Variants in CSNK2A1 observed in about 807,000 individuals in gnomAD.
CSNK2A1 encodes casein kinase II subunit alpha.
In CSNK2A1, 10 loss-of-function variants were observed where a neutral mutation model predicts 62.9. That is an observed-to-expected ratio of 0.16 (90% CI 0.10 to 0.27). CSNK2A1 has a LOEUF of 0.27. Ranked by LOEUF, CSNK2A1 falls within the 10% of genes least tolerant of loss-of-function variation. The pLI, the probability that CSNK2A1 is intolerant of heterozygous loss-of-function variation, is 1.00. For synonymous variants in CSNK2A1, 124 were observed against 167.8 expected (o/e 0.74, Z 2.02); for missense variants, 160 against 492.0 (o/e 0.33, Z 6.38).
At chr20:511,088 G>A (rs776410884) in intron 2 of CSNK2A1, among the ~76,000 whole-genome samples, 29 of 151,998 alleles carry the variant, frequency 1.9e-4, no homozygotes, top group Non-Finnish European at 2.8e-4. Flanking sequence ...AGGCACAGTG[G>A]CTCACTTTGG....
chr20:512,743 AAATGACCAGAAAACAACAAAGT>A (rs2018750146), intron 2 of CSNK2A1, among the ~76,000 whole-genome samples: 1 of 152,220 alleles, frequency 6.6e-6, no homozygotes, highest in Non-Finnish European at 1.5e-5. Context: ...TAAATGTACT[AAATGACCAGAAAACAACAAAGT>A]AATTCAAGTA....
rs2017810418 is a variant in CSNK2A1, at chr20:474,549, G to C, written c.*9412C>G. On this transcript the variant is annotated 3_prime_UTR_variant, in exon 14 of 14. Transcript: ENST00000217244. ...ATTAAAAGTAGTTGCTTTTTCACCA[G>C]AGTAATACATAAATATAGTTTTAAA... is the stretch of plus-strand genomic sequence containing the variant. 6.6e-6 allele frequency: 1 copy of C among 152,162 alleles called. No individual in the cohort carries two copies. Among genetic ancestry groups the C allele is most frequent in the Non-Finnish European group, 1.5e-5 (1 of 68,032 alleles). The allele number at this position is 152,162 out of a possible 1,614,324, so 9.4% of individuals were successfully genotyped here.
chr20:520,370 T>C (rs2018920001), intron 2 of CSNK2A1, among the ~76,000 whole-genome samples: 1 of 152,046 alleles, frequency 6.6e-6, no homozygotes, highest in African/African-American at 2.4e-5. Context: ...GGCAAAAGGA[T>C]AATACATAGA....
At chr20:527,164 T>TA (rs2019116043) in intron 2 of CSNK2A1, among the ~76,000 whole-genome samples, 1 of 152,050 alleles carries the variant, frequency 6.6e-6, no homozygotes, top group African/African-American at 2.4e-5. Flanking sequence ...CTACAGATGG[T>TA]AAAAAGATAA....
chr20:485,100 A>T (rs1466138801), intron 13 of CSNK2A1, among the ~76,000 whole-genome samples: 11 of 54,258 alleles, frequency 2.0e-4, no homozygotes, highest in African/African-American at 4.7e-4. Context: ...AAAAAAAAAA[A>T]AAAAAAAAAA....
At chr20:501,031 A>G (rs2122548085) in intron 4 of CSNK2A1, 1 of 149,618 alleles carries the variant, frequency 6.7e-6, no homozygotes, top group South Asian at 2.1e-4. Flanking sequence ...TTTTTTTCTG[A>G]GGAGGGCCTT....
At chr20:490,177 G>A (rs1462719806) in intron 9 of CSNK2A1, among the ~76,000 whole-genome samples, 1 of 149,810 alleles carries the variant, frequency 6.7e-6, no homozygotes, top group Non-Finnish European at 1.5e-5. Context: ...GACTACAGGC[G>A]CGTGCCACCA....
intron 1 of CSNK2A1, among the ~76,000 whole-genome samples, chr20:538,351 C>A (rs761887102): frequency 3.3e-5 from 5 of 152,154 alleles, no homozygotes; most frequent in Non-Finnish European, 7.4e-5. Context: ...TCTTAGTAGA[C>A]CAGTTAACAT....
At position 483,765 on chromosome 20, in the gene CSNK2A1, G is replaced by GT. The variant is rs2018002630; in HGVS notation, c.*195dup. On this transcript the variant is annotated 3_prime_UTR_variant, in exon 14 of 14. Transcript: ENST00000217244. Reference sequence around the variant, plus strand: ...ATCCCCTGAGTTATGAAAAGTTCGAGTTAAAAAAAAAAAGAAAAAAGAAAA... The same window carrying GT: ...ATCCCCTGAGTTATGAAAAGTTCGAGTTTAAAAAAAAAAAGAAAAAAGAAAA... 2.6e-6 allele frequency: 1 copy of GT among 380,726 alleles called. No individual in the cohort carries two copies. Among genetic ancestry groups the GT allele is most frequent in the East Asian group, 4.1e-5 (1 of 24,562 alleles). 23.6% of individuals were successfully genotyped at this position (380,726 alleles called of 1,614,324 possible). A position where few individuals can be genotyped will look rare whatever the true frequency, so the allele number is the denominator to read the frequency against.
rs74668517 is a variant in CSNK2A1 at position 491,667 on chromosome 20, C to A, written c.621+587G>T. 5.1e-3 allele frequency among the ~76,000 whole-genome samples: 779 copies of A among 151,628 alleles called. 10 individuals are homozygous for A. The highest frequency in any genetic ancestry group is 0.016 in the African/African-American group (676 of 41,342). Reference sequence around the variant, plus strand: ...GCCTGGGCAACAGAGCAAAACCCTGCCTCAGAAAACAAACAAAAGGCCGGG... The same window carrying A: ...GCCTGGGCAACAGAGCAAAACCCTGACTCAGAAAACAAACAAAAGGCCGGG... On this transcript the variant is annotated intron_variant, in intron 9 of 13. Coordinates refer to ENST00000217244, the MANE Select transcript of CSNK2A1 (RefSeq NM_177559.3).
intron 2 of CSNK2A1, among the ~76,000 whole-genome samples, chr20:511,458 C>T (rs2018716561): frequency 6.6e-6 from 1 of 152,184 alleles, no homozygotes; most frequent in Non-Finnish European, 1.5e-5. Context: ...TTTTTACCAT[C>T]CCAAATGAAA....
At chr20:529,552 C>T (rs1332811411) in intron 1 of CSNK2A1, among the ~76,000 whole-genome samples, 1 of 152,082 alleles carries the variant, frequency 6.6e-6, no homozygotes, top group African/African-American at 2.4e-5. Context: ...AGTAGCGATG[C>T]TGAGAATCTG....
At chr20:535,771 C>T (rs987885698) in intron 1 of CSNK2A1, among the ~76,000 whole-genome samples, 8 of 151,440 alleles carry the variant, frequency 5.3e-5, no homozygotes, top group Admixed American at 4.6e-4. Context: ...TTTAAAGTGC[C>T]GATAAATACA....
chr20:509,516 C>T (rs1004954444), intron 2 of CSNK2A1, among the ~76,000 whole-genome samples: 2 of 152,178 alleles, frequency 1.3e-5, no homozygotes, highest in East Asian at 1.9e-4. Flanking sequence ...ATTGTGATAA[C>T]GTGAGAAGGA....
intron 2 of CSNK2A1, among the ~76,000 whole-genome samples, chr20:523,381 A>G (rs921884767): frequency 2.0e-5 from 3 of 152,222 alleles, no homozygotes; most frequent in Non-Finnish European, 4.4e-5. Context: ...CATAATCACC[A>G]AAGAATGAAA....
At chr20:487,927 T>C (rs149641525) in intron 11 of CSNK2A1, 249 of 311,602 alleles carry the variant, frequency 8.0e-4, no homozygotes, top group East Asian at 1.7e-3. Flanking sequence ...TCTCTGCCAA[T>C]TGGCCAGCAA....
At chr20:524,318 A>G (rs1042169596) in intron 2 of CSNK2A1, among the ~76,000 whole-genome samples, 3 of 150,302 alleles carry the variant, frequency 2.0e-5, no homozygotes, top group African/African-American at 7.3e-5. Context: ...AGCTGCTCTT[A>G]GAGGCTGAGG....
intron 2 of CSNK2A1, among the ~76,000 whole-genome samples, chr20:517,599 G>GT (rs2122597203): frequency 6.6e-6 from 1 of 151,526 alleles, no homozygotes; most frequent in Non-Finnish European, 1.5e-5. Flanking sequence ...GGGAAAAACT[G>GT]TAAGAGAAAA....
chr20:522,748 G>A (rs2018978168), intron 2 of CSNK2A1, among the ~76,000 whole-genome samples: 1 of 152,048 alleles, frequency 6.6e-6, no homozygotes, highest in South Asian at 2.1e-4. Context: ...CCAGGCTGGA[G>A]TGCAATGGTG....
Sources: allele counts gnomAD v4.1 joint callset (sites outside exome capture counted in the v4.1 genomes callset), GRCh38; gene constraint gnomAD v4.1.1; transcripts MANE v1.5; gene names NCBI Gene and HGNC (gene_info 2026-07-23, HGNC 2026-07-21).